AHSG: variants seen among roughly 807,000 people sequenced by gnomAD.
AHSG encodes the protein alpha 2-HS glycoprotein, also known as alpha-2-HS-glycoprotein.
AHSG carries 23 observed loss-of-function variants against 30.1 expected under a neutral mutation model. The ratio of observed to expected loss-of-function variants is 0.76; its 90% CI spans 0.55 to 1.08. The LOEUF (loss-of-function observed/expected upper bound fraction) is 1.08. Among genes scored for constraint, AHSG ranks in the 50% least tolerant of loss-of-function variants. AHSG has a pLI of 0.00. For missense variants in AHSG, 469 were observed against 459.5 expected (o/e 1.02, Z -0.19); for synonymous variants, 164 against 186.3 (o/e 0.88, Z 0.98).
rs2108498768 is a variant in AHSG at position 186,613,342 on chromosome 3, G to C, written c.201G>C (p.Lys67Asn). 1 of 1,613,086 alleles carries C rather than the reference G, an allele frequency of 6.2e-7. No individual in the cohort carries two copies. The change falls in exon 1 of 7, where the codon AAG becomes AAC. Residue 67 changes from lysine (K) to asparagine (N), a missense_variant. Physicochemically the swap from Lys to Asn is moderately conservative, Grantham distance 94. Coordinates refer to ENST00000411641, the MANE Select transcript of AHSG (RefSeq NM_001622.4). ...KHTLNQIDEV[K>N]VWPQQPSGEL... Reference sequence around the variant, plus strand: ...CCTTGAACCAGATTGATGAAGTAAAGGTGTGGCCTCAGGTAAGTGGACCTG... The same window carrying C: ...CCTTGAACCAGATTGATGAAGTAAACGTGTGGCCTCAGGTAAGTGGACCTG...
chr3:186,619,629 T>G (rs368882676), intron 5 of AHSG, among the ~76,000 whole-genome samples: 14 of 152,172 alleles, frequency 9.2e-5, no homozygotes, highest in African/African-American at 3.1e-4. Flanking sequence ...ATGTTAACAG[T>G]CCTTCTTTCT....
At chr3:186,613,433 C>T (rs1716205553) in intron 1 of AHSG, 79 bp downstream of exon 1, 4 of 1,309,702 alleles carry the variant, frequency 3.1e-6, no homozygotes, top group African/African-American at 1.5e-5. Context: ...TCACCATCAC[C>T]CAGTGCAAAT....
At position 186,621,133 on chromosome 3, in the gene AHSG, G is replaced by A; in HGVS notation, c.*203G>A. 1.7e-6 allele frequency: 1 copy of A among 576,518 alleles called. No individual in the cohort carries two copies. The highest frequency in any genetic ancestry group is 2.3e-5 in the South Asian group (1 of 43,134). The allele number at this position is 576,518 out of a possible 1,614,324, so 35.7% of individuals were successfully genotyped here. On this transcript the variant is annotated 3_prime_UTR_variant, in exon 7 of 7. Transcript: ENST00000411641. Reference sequence around the variant, plus strand: ...TGGGTGGTGGTTATGTTTGACAGAAGGCATTAGGTTGACAACTTGTCATGA... The same window carrying A: ...TGGGTGGTGGTTATGTTTGACAGAAAGCATTAGGTTGACAACTTGTCATGA...
chr3:186,613,231 G>A lies in AHSG; in HGVS notation c.90G>A (p.Pro30=), dbSNP rs142527838. Residue 30 remains proline, a synonymous_variant, in exon 1 of 7, where the codon CCG becomes CCA. Transcript: ENST00000411641. ...GCCCAGGGCTGATTTATAGACAACCGAACTGCGATGATCCAGAAACTGAGG... is the reference window on the plus strand; with the variant it reads ...GCCCAGGGCTGATTTATAGACAACCAAACTGCGATGATCCAGAAACTGAGG... ...PHGPGLIYRQ[P]NCDDPETEEA... is the part of the protein sequence containing the mutation. The A allele has an allele frequency of 8.1e-6, 13 of 1,614,120 alleles. No homozygotes were observed. In the East Asian group the frequency reaches 8.9e-5, roughly 11 times the overall value.
chr3:186,615,033 T>C (rs1161457381), intron 1 of AHSG, among the ~76,000 whole-genome samples: 1 of 152,076 alleles, frequency 6.6e-6, no homozygotes, highest in African/African-American at 2.4e-5. Context: ...TTCCCCATTA[T>C]CGCCAGCAGG....
chr3:186,615,032 A>G (rs1716254925), intron 1 of AHSG, among the ~76,000 whole-genome samples: 1 of 152,168 alleles, frequency 6.6e-6, no homozygotes, highest in Non-Finnish European at 1.5e-5. Flanking sequence ...CTTCCCCATT[A>G]TCGCCAGCAG....
In AHSG at chr3:186,618,548, T is replaced by G. The variant is rs1247681047; in HGVS notation, c.586T>G (p.Ser196Ala). 1 of 1,613,770 alleles carries G rather than the reference T, an allele frequency of 6.2e-7. No homozygotes were observed. Among genetic ancestry groups the G allele is most frequent in the Admixed American group, 1.7e-5 (1 of 60,014 alleles). The part of the protein sequence containing the change: ...SRAQLVPLPP[S>A]TYVEFTVSGT... The stretch of plus-strand genomic sequence containing the variant: ...GTACTCTTCTCAGCCCCTCCCACCT[T>G]CTACCTATGTGGAGTTTACAGTGTC... The change falls in exon 5 of 7, where the codon TCT becomes GCT. Residue 196 changes from serine to alanine, a missense_variant. Transcript: ENST00000411641.
intron 4 of AHSG, 32 bp from the exon 5 acceptor site, chr3:186,618,504 T>G: frequency 6.2e-7 from 1 of 1,604,812 alleles, no homozygotes; most frequent in Non-Finnish European, 8.5e-7. Flanking sequence ...AAGTCATCTT[T>G]CCTCAAGAGC....
intron 5 of AHSG, 55 bp from the exon 6 acceptor site, chr3:186,619,802 G>T (rs1216562338): frequency 7.0e-7 from 1 of 1,433,354 alleles, no homozygotes. Context: ...CAATGAAATT[G>T]GGGGGGATCC....
Position 186,621,068 on chromosome 3 carries a change from C to T in AHSG, c.*138C>T, listed in dbSNP as rs752938769. The T allele has an allele frequency of 3.7e-6, 3 of 801,774 alleles. No individual in the cohort carries two copies. Among genetic ancestry groups the T allele is most frequent in the Admixed American group, 5.3e-5 (2 of 37,708 alleles). The allele number at this position is 801,774 out of a possible 1,614,324, so 49.7% of individuals were successfully genotyped here. On this transcript the variant is annotated 3_prime_UTR_variant, in exon 7 of 7. Transcript: ENST00000411641. ...GATCTACATTAATATCAAGTCTTGA[C>T]TCCCTACTTCCCGTCATTCCTCACA...
chr3:186,613,432 C>A, intron 1 of AHSG, 78 bp downstream of exon 1: 1 of 1,315,240 alleles, frequency 7.6e-7, no homozygotes, highest in East Asian at 2.4e-5. Context: ...ATCACCATCA[C>A]CCAGTGCAAA....
In AHSG at chr3:186,615,791, A is replaced by G; in HGVS notation, c.320A>G (p.Glu107Gly). ...VARCSVRQLK[E>G]HAVEGDCDFQ... Reference sequence around the variant, plus strand: ...AGATGCAGCGTGAGGCAGCTGAAGGAGCATGTGAGTACCCTTCTTAGGATG... The same window carrying G: ...AGATGCAGCGTGAGGCAGCTGAAGGGGCATGTGAGTACCCTTCTTAGGATG... Residue 107 changes from glutamate to glycine, a missense_variant, in exon 2 of 7, where the codon GAG (glutamate) becomes GGG (glycine). Transcript: ENST00000411641. The G allele has an allele frequency of 6.2e-7, 1 of 1,613,776 alleles. No homozygotes were observed. Among genetic ancestry groups the G allele is most frequent in the South Asian group, 1.1e-5 (1 of 91,076 alleles).
Position 186,616,554 on chromosome 3 carries a change from T to G in AHSG, c.409+27T>G, listed in dbSNP as rs79747711. On this transcript the variant is annotated intron_variant, in intron 3 of 6. Transcript: ENST00000411641. ...TACAGATGACTATTCTTATTCTCAT[T>G]TTTTCCTTGTAGAGAAAGTGGGGAA... 6,573 of 1,559,886 alleles carry G rather than the reference T, an allele frequency of 4.2e-3. 26 individuals are homozygous for G. Among genetic ancestry groups the G allele is most frequent in the Non-Finnish European group, 5.0e-3 (5,744 of 1,141,580 alleles).
At position 186,621,206 on chromosome 3, in the gene AHSG, T is replaced by A. The variant is rs555949590; in HGVS notation, c.*276T>A. The A allele has an allele frequency of 2.3e-6, 1 of 430,186 alleles. No homozygotes were observed. The highest frequency in any genetic ancestry group is 2.0e-5 in the African/African-American group (1 of 51,004). The allele number at this position is 430,186 out of a possible 1,614,324, so 26.6% of individuals were successfully genotyped here. The stretch of plus-strand genomic sequence containing the variant: ...TTGTGTTCTCTGCCTCTGGTTGACC[T>A]TACAAAAACCATTGGAACTGTGACT... On this transcript the variant is annotated 3_prime_UTR_variant, in exon 7 of 7. Coordinates refer to ENST00000411641, the MANE Select transcript of AHSG (RefSeq NM_001622.4).
intron 2 of AHSG, 43 bp downstream of exon 2, chr3:186,615,838 A>G: frequency 1.3e-6 from 2 of 1,538,864 alleles, no homozygotes; most frequent in East Asian, 4.5e-5. Context: ...CCCTTCGGCC[A>G]GCTCCACCGA....
chr3:186,617,903 G>T, intron 4 of AHSG: 1 of 180,678 alleles, frequency 5.5e-6, no homozygotes, highest in Non-Finnish European at 1.2e-5. Flanking sequence ...CTGGATATCA[G>T]CCATGGCCAT....
intron 4 of AHSG, 191 bp downstream of exon 4, chr3:186,617,541 A>C (rs1390292029): frequency 9.2e-7 from 1 of 1,089,794 alleles, no homozygotes; most frequent in Non-Finnish European, 1.3e-6. Flanking sequence ...TGAGGACCCC[A>C]ACACCCTCAG....
At chr3:186,619,057 G>A (rs1011193454) in intron 5 of AHSG, among the ~76,000 whole-genome samples, 19 of 152,214 alleles carry the variant, frequency 1.2e-4, no homozygotes, top group African/African-American at 4.6e-4. Flanking sequence ...AGCACTTTGG[G>A]AGGCCAAGAC....
At position 186,617,262 on chromosome 3, in the gene AHSG, A is replaced by G. The variant is rs1392681696; in HGVS notation, c.485A>G (p.His162Arg). The change falls in exon 4 of 7, where the codon CAC becomes CGC. Residue 162 changes from histidine (H) to arginine (R), a missense_variant. By Grantham distance (29) the His-to-Arg change is conservative. Coordinates refer to ENST00000411641, the MANE Select transcript of AHSG (RefSeq NM_001622.4). ...LAPLNDTRVV[H>R]AAKAALAAFN... is the part of the protein sequence containing the mutation. ...CCGCTGAACGACACCAGGGTGGTGC[A>G]CGCCGCGAAAGCTGCCCTGGCCGCC... The G allele has an allele frequency of 3.1e-6, 5 of 1,614,164 alleles. No homozygotes were observed. Among genetic ancestry groups the G allele is most frequent in the Non-Finnish European group, 8.5e-7 (1 of 1,180,018 alleles).
Sources: allele counts gnomAD v4.1 joint callset (sites outside exome capture counted in the v4.1 genomes callset), GRCh38; gene constraint gnomAD v4.1.1; transcripts MANE v1.5; gene names NCBI Gene and HGNC (gene_info 2026-07-23, HGNC 2026-07-21).